ZFP1: variants seen among roughly 807,000 people sequenced by gnomAD.
ZFP1 encodes the protein ZFP1 zinc finger protein.
A neutral mutation model predicts 38.5 loss-of-function variants in ZFP1; 32 were observed. That is an observed-to-expected ratio of 0.83 (90% CI 0.63 to 1.12). The LOEUF (loss-of-function observed/expected upper bound fraction) is 1.12, where lower values mean the gene tolerates loss of function less well. Among genes scored for constraint, ZFP1 ranks in the 50% most tolerant of loss-of-function variants. The probability of loss-of-function intolerance (pLI) is 0.00; values close to 1 mark genes in which losing one functional copy is unlikely to be tolerated. For missense variants in ZFP1, 616 were observed against 480.8 expected (o/e 1.28, Z -2.63); for synonymous variants, 245 against 168.8 (o/e 1.45, Z -3.50).
At chr16:75,147,119 G>A (rs1295232324), upstream of ZFP1, among the ~76,000 whole-genome samples, 1 of 152,060 alleles carries the variant, frequency 6.6e-6, no homozygotes, top group Non-Finnish European at 1.5e-5. Context: ...AGATTTCCAG[G>A]GGTTGTGGGA....
chr16:75,146,693 C>A (rs1038365299), upstream of ZFP1, among the ~76,000 whole-genome samples: 4 of 152,074 alleles, frequency 2.6e-5, no homozygotes, highest in Non-Finnish European at 5.9e-5. Context: ...AATCCCCGCA[C>A]TTTGGGAGGC....
the ZFP1 span, among the ~76,000 whole-genome samples, chr16:75,134,676 G>A: frequency 8.7e-5 from 13 of 148,748 alleles, no homozygotes; most frequent in South Asian, 2.1e-4. Flanking sequence ...GGCGTGAACC[G>A]GGAGGCAGAG....
At chr16:75,164,741 A>G (rs556347990) in intron 2 of ZFP1, among the ~76,000 whole-genome samples, 1 of 152,324 alleles carries the variant, frequency 6.6e-6, no homozygotes, top group East Asian at 1.9e-4. Flanking sequence ...GGGAATATCA[A>G]AAGAATATTT....
chr16:75,139,250 T>C, the ZFP1 span, among the ~76,000 whole-genome samples: 270 of 151,088 alleles, frequency 1.8e-3, 8 homozygotes, highest in East Asian at 0.051. Flanking sequence ...GTGCCTGTAG[T>C]CCCAGCTACT....
chr16:75,125,216 G>A, the ZFP1 span, among the ~76,000 whole-genome samples: 8 of 152,282 alleles, frequency 5.3e-5, no homozygotes, highest in East Asian at 1.5e-3. Context: ...CTGAGGTCAT[G>A]CCACTGCACT....
the ZFP1 span, among the ~76,000 whole-genome samples, chr16:75,120,528 G>T: frequency 0.08 from 11,650 of 146,118 alleles, 529 homozygotes; most frequent in Admixed American, 0.13. Context: ...GTTTTTTTTT[G>T]TTTTTTTTTT....
the ZFP1 span, among the ~76,000 whole-genome samples, chr16:75,129,389 G>A: frequency 6.6e-6 from 1 of 152,172 alleles, no homozygotes; most frequent in Non-Finnish European, 1.5e-5. Flanking sequence ...GGAATGTGAA[G>A]GAAAATATCT....
chr16:75,134,882 A>AC, the ZFP1 span, among the ~76,000 whole-genome samples: 1 of 151,046 alleles, frequency 6.6e-6, no homozygotes, highest in Non-Finnish European at 1.5e-5. Context: ...ACATGGAGAA[A>AC]CCCCATCTCT....
chr16:75,168,550 A>C (rs1248191743), intron 3 of ZFP1, among the ~76,000 whole-genome samples: 2 of 149,996 alleles, frequency 1.3e-5, no homozygotes, highest in African/African-American at 5.0e-5. Context: ...TTCAGTAGAA[A>C]AAAAAAAGCA....
chr16:75,151,021 C>T (rs2037175437), intron 1 of ZFP1, among the ~76,000 whole-genome samples: 2 of 151,952 alleles, frequency 1.3e-5, no homozygotes, highest in Admixed American at 1.3e-4. Flanking sequence ...CCACACTCAG[C>T]TAATTTTCTG....
Position 75,170,044 on chromosome 16 carries a change from A to G in ZFP1, c.934A>G (p.Ile312Val). 6.2e-7 allele frequency: 1 copy of G among 1,614,198 alleles called. No individual in the cohort carries two copies. The highest frequency in any genetic ancestry group is 8.5e-7 in the Non-Finnish European group (1 of 1,180,034). Residue 312 changes from isoleucine (I) to valine (V), a missense_variant, in exon 4 of 4, where the codon ATC becomes GTC. By Grantham distance (29) the Ile-to-Val change is conservative (BLOSUM62 3). Transcript: ENST00000570010. The stretch of plus-strand genomic sequence containing the variant: ...AACCTTCTTTAAGAAGTCAAACCTT[A>G]TCATACATCAGAAGATTCACACGGG... Reference protein sequence around the residue: ...AKTFFKKSNLIIHQKIHTGEK... With the variant: ...AKTFFKKSNLVIHQKIHTGEK...
At chr16:75,156,484 T>G (rs2037478163) in intron 2 of ZFP1, among the ~76,000 whole-genome samples, 1 of 146,246 alleles carries the variant, frequency 6.8e-6, no homozygotes, top group South Asian at 2.2e-4. Context: ...GAAAAGAAAT[T>G]TTGCTACTGT....
chr16:75,135,541 G>C, the ZFP1 span, among the ~76,000 whole-genome samples: 1 of 152,190 alleles, frequency 6.6e-6, no homozygotes, highest in African/African-American at 2.4e-5. Flanking sequence ...GACAAGGTGA[G>C]AGGATTGGTA....
the ZFP1 span, among the ~76,000 whole-genome samples, chr16:75,140,066 C>G: frequency 6.6e-6 from 1 of 152,060 alleles, no homozygotes; most frequent in Non-Finnish European, 1.5e-5. Flanking sequence ...GTTGGGAGTT[C>G]AAGACCAGCC....
chr16:75,133,318 T>G, the ZFP1 span, among the ~76,000 whole-genome samples: 16 of 152,106 alleles, frequency 1.1e-4, no homozygotes, highest in Non-Finnish European at 1.9e-4. Flanking sequence ...CGCAGATTTG[T>G]TACATAGGTA....
At chr16:75,119,174 C>T in the ZFP1 span, among the ~76,000 whole-genome samples, 6 of 152,122 alleles carry the variant, frequency 3.9e-5, no homozygotes, top group South Asian at 1.2e-3. Context: ...TAACTGAGAC[C>T]TTTCTCAGAT....
At chr16:75,165,937 TA>T (rs1411792306) in intron 2 of ZFP1, among the ~76,000 whole-genome samples, 1 of 152,192 alleles carries the variant, frequency 6.6e-6, no homozygotes, top group East Asian at 1.9e-4. Context: ...TTTAGATATT[TA>T]CTGACATTTT....
upstream of ZFP1, among the ~76,000 whole-genome samples, chr16:75,146,090 C>G (rs559776731): frequency 6.6e-6 from 1 of 152,160 alleles, no homozygotes; most frequent in Non-Finnish European, 1.5e-5. Context: ...CACGACAAGT[C>G]CCGCGAAGGG....
intron 2 of ZFP1, among the ~76,000 whole-genome samples, chr16:75,161,855 G>T (rs2037807823): frequency 7.4e-6 from 1 of 134,258 alleles, no homozygotes. Flanking sequence ...CACGATCTAG[G>T]CTCACTGCAC....
Sources: gnomAD v4.1 joint callset for allele counts (sites outside exome capture counted in the v4.1 genomes callset) on GRCh38, gnomAD v4.1.1 for gene constraint, MANE v1.5 for transcripts, NCBI Gene and HGNC (gene_info 2026-07-23, HGNC 2026-07-21) for gene names.